The following NFIB variants were observed in gnomAD, a reference collection of about 807,000 sequenced individuals.
The protein encoded by NFIB is nuclear factor I B.
A neutral mutation model predicts 61.5 loss-of-function variants in NFIB; 11 were observed. The observed-to-expected ratio is 0.18, with a 90% CI of 0.11 to 0.30. The LOEUF is 0.30. Among genes scored for constraint, NFIB ranks in the 10% least tolerant of loss-of-function variants. The pLI, the probability that NFIB is intolerant of heterozygous loss-of-function variation, is 1.00. For missense variants in NFIB, 471 were observed against 608.9 expected (o/e 0.77, Z 2.38); for synonymous variants, 260 against 216.5 (o/e 1.20, Z -1.76).
chr9:14,530,369 T>G, the NFIB span, among the ~76,000 whole-genome samples: 1 of 151,890 alleles, frequency 6.6e-6, no homozygotes, highest in Non-Finnish European at 1.5e-5. Flanking sequence ...ACTTGTAAAA[T>G]CTATTTCATC....
chr9:14,405,679 G>C, the NFIB span, among the ~76,000 whole-genome samples: 1 of 152,162 alleles, frequency 6.6e-6, no homozygotes, highest in Non-Finnish European at 1.5e-5. Flanking sequence ...TGGAATGTCA[G>C]AAACTAGAGG....
chr9:14,286,751 A>G (rs2058732334), intron 2 of NFIB, among the ~76,000 whole-genome samples: 1 of 152,224 alleles, frequency 6.6e-6, no homozygotes, highest in African/African-American at 2.4e-5. Context: ...TGCCTGATAC[A>G]TAGTAGGTGC....
At chr9:14,236,847 CT>C (rs1205138975) in intron 2 of NFIB, among the ~76,000 whole-genome samples, 1 of 146,474 alleles carries the variant, frequency 6.8e-6, no homozygotes, top group East Asian at 2.0e-4. Context: ...TTTGGCTTCT[CT>C]TTAAAAAAAA....
intron 2 of NFIB, among the ~76,000 whole-genome samples, chr9:14,246,628 T>TA (rs2054962657): frequency 3.3e-5 from 5 of 152,328 alleles, no homozygotes; most frequent in African/African-American, 1.2e-4. Flanking sequence ...AATGAGAACT[T>TA]CAGTGAGTAA....
At chr9:14,298,881 A>C (rs2059596899) in intron 2 of NFIB, among the ~76,000 whole-genome samples, 1 of 152,190 alleles carries the variant, frequency 6.6e-6, no homozygotes, top group Admixed American at 6.5e-5. Context: ...AATTAAACCT[A>C]ACAAGGCAAG....
intron 2 of NFIB, among the ~76,000 whole-genome samples, chr9:14,203,887 G>A (rs190929117): frequency 3.3e-5 from 5 of 152,022 alleles, no homozygotes; most frequent in Admixed American, 1.3e-4. Context: ...CATAATGCCC[G>A]CAATATTTTC....
At chr9:14,398,313 T>C (rs1326982041) in intron 1 of NFIB, among the ~76,000 whole-genome samples, 1 of 152,208 alleles carries the variant, frequency 6.6e-6, no homozygotes, top group Non-Finnish European at 1.5e-5. Context: ...CCAGCTTCTG[T>C]ATTATTTCTG....
At chr9:14,382,274 T>A (rs1588399907) in intron 1 of NFIB, among the ~76,000 whole-genome samples, 1 of 152,156 alleles carries the variant, frequency 6.6e-6, no homozygotes, top group Non-Finnish European at 1.5e-5. Context: ...AACTAGCTCA[T>A]GTTTGAGAAC....
At chr9:14,232,141 G>A (rs1380263319) in intron 2 of NFIB, among the ~76,000 whole-genome samples, 2 of 152,078 alleles carry the variant, frequency 1.3e-5, no homozygotes, top group African/African-American at 2.4e-5. Context: ...GGGAAGGAGC[G>A]ACACCATGGC....
chr9:14,286,008 G>C (rs2132482325), intron 2 of NFIB, among the ~76,000 whole-genome samples: 1 of 151,536 alleles, frequency 6.6e-6, no homozygotes, highest in East Asian at 1.9e-4. Context: ...CTATTTCCAG[G>C]GCTCCTTCTA....
At chr9:14,100,570 C>T (rs554174528) in intron 10 of NFIB, among the ~76,000 whole-genome samples, 5 of 152,206 alleles carry the variant, frequency 3.3e-5, no homozygotes, top group African/African-American at 9.6e-5. Context: ...ATTAGCCGGG[C>T]GTGGTGGCGG....
rs929820182 is a variant in NFIB at position 14,088,139 on chromosome 9, T to G, written c.*170A>C. On this transcript the variant is annotated 3_prime_UTR_variant, in exon 11 of 11. Transcript: ENST00000380953. ...GTTGTTTTGTCCAGTCTTCCTCTTT[T>G]CCTTTTTTTTTATTTAAAAAAAAAA... is the stretch of plus-strand genomic sequence containing the variant. 4 of 1,384,854 alleles carry G rather than the reference T, an allele frequency of 2.9e-6. No individual in the cohort carries two copies. The highest frequency in any genetic ancestry group is 3.8e-6 in the Non-Finnish European group (4 of 1,051,270). The allele number at this position is 1,384,854 out of a possible 1,614,324, so 85.8% of individuals were successfully genotyped here.
rs576476549 is a variant in NFIB, at chr9:14,313,202, C to G, written c.30+280G>C. On this transcript the variant is annotated intron_variant, in intron 1 of 10. Transcript: ENST00000380953. This position sits in a 1 kb window ranked among gnomAD's most constrained non-coding sequence, Gnocchi z 4.5. ...ACTTGAGGGGCCGCACGGGGCCTCG[C>G]ACTTACAGGTCCCGGCCCTGCCCAC... 6.6e-6 allele frequency among the ~76,000 whole-genome samples: 1 copy of G among 152,096 alleles called. No homozygotes were observed. Among genetic ancestry groups the G allele is most frequent in the African/African-American group, 2.4e-5 (1 of 41,536 alleles).
chr9:14,513,886 T>A, the NFIB span, among the ~76,000 whole-genome samples: 2 of 152,216 alleles, frequency 1.3e-5, no homozygotes, highest in African/African-American at 4.8e-5. Context: ...GAGGATTACA[T>A]GAGGTAATAT....
intron 2 of NFIB, among the ~76,000 whole-genome samples, chr9:14,233,917 T>C (rs2053470311): frequency 1.3e-5 from 2 of 152,196 alleles, no homozygotes; most frequent in African/African-American, 4.8e-5. Context: ...ATTCCAATAT[T>C]CAAAAGGAAA....
chr9:14,392,562 T>C (rs1371566699), intron 1 of NFIB, among the ~76,000 whole-genome samples: 1 of 152,064 alleles, frequency 6.6e-6, no homozygotes, highest in Non-Finnish European at 1.5e-5. Context: ...ACCCTATCTC[T>C]ACAAAAAGTA....
At chr9:14,498,750 C>T in the NFIB span, among the ~76,000 whole-genome samples, 2 of 132,838 alleles carry the variant, frequency 1.5e-5, no homozygotes, top group African/African-American at 3.1e-5. Context: ...CCATGCACAA[C>T]GGAAACACTC....
the NFIB span, among the ~76,000 whole-genome samples, chr9:14,450,707 T>G: frequency 6.6e-6 from 1 of 151,802 alleles, no homozygotes; most frequent in South Asian, 2.1e-4. Context: ...TCCTGGGAAC[T>G]ACTAAAACAC....
intron 2 of NFIB, among the ~76,000 whole-genome samples, chr9:14,281,636 G>C (rs746210933): frequency 2.0e-5 from 3 of 152,152 alleles, no homozygotes; most frequent in African/African-American, 4.8e-5. Context: ...ACCATGCAGA[G>C]ATAAACTGCT....
Sources: allele counts gnomAD v4.1 joint callset (sites outside exome capture counted in the v4.1 genomes callset), GRCh38; gene constraint gnomAD v4.1.1; non-coding constraint Gnocchi (gnomAD v3.1); transcripts MANE v1.5; gene names NCBI Gene and HGNC (gene_info 2026-07-23, HGNC 2026-07-21).